RPA1: variants seen among roughly 807,000 people sequenced by gnomAD.
RPA1 encodes replication protein A 70 kDa DNA-binding subunit.
Under a neutral mutation model 83.0 loss-of-function variants are expected in RPA1, and 49 were observed. The ratio of observed to expected loss-of-function variants is 0.59; its 90% CI spans 0.47 to 0.75. RPA1 has a LOEUF of 0.75. Ranked by LOEUF, RPA1 falls within the 30% of genes least tolerant of loss-of-function variation. The pLI is 0.00. For synonymous variants in RPA1, 279 were observed against 281.8 expected (o/e 0.99, Z 0.10); for missense variants, 693 against 776.1 (o/e 0.89, Z 1.27).
intron 5 of RPA1, among the ~76,000 whole-genome samples, chr17:1,867,121 AATT>A (rs1913202811): frequency 6.6e-6 from 1 of 152,196 alleles, no homozygotes; most frequent in Non-Finnish European, 1.5e-5. Flanking sequence ...GAATCGGGTA[AATT>A]ATTCGGCTAA....
At chr17:1,858,484 G>A in intron 5 of RPA1, 2 of 1,053,912 alleles carry the variant, frequency 1.9e-6, no homozygotes, top group South Asian at 2.6e-5. Context: ...TTTTTTTTGA[G>A]ACAGAGTCTT....
chr17:1,887,423 G>A lies in RPA1; in HGVS notation c.1375-1252G>A, dbSNP rs1300959396. On this transcript the variant is annotated intron_variant, in intron 13 of 16. Coordinates refer to ENST00000254719, the MANE Select transcript of RPA1 (RefSeq NM_002945.5). ...AAAATACAAAAATTAGCTGGGCGTA[G>A]TGGTGCATGCCTGTAGTCCCAGCTT... Among the ~76,000 whole-genome samples, 11 of 152,222 alleles carry A rather than the reference G, an allele frequency of 7.2e-5. No individual in the cohort carries two copies. In the East Asian group the frequency reaches 2.1e-3, roughly 29 times the overall value.
chr17:1,848,471 C>T (rs1459362933), intron 4 of RPA1, among the ~76,000 whole-genome samples: 1 of 151,484 alleles, frequency 6.6e-6, no homozygotes, highest in African/African-American at 2.4e-5. Context: ...ATCAGCCGGG[C>T]ATGGTGGCAC....
intron 4 of RPA1, among the ~76,000 whole-genome samples, chr17:1,847,816 T>G (rs540447823): frequency 3.3e-5 from 5 of 151,906 alleles, no homozygotes; most frequent in African/African-American, 1.2e-4. Flanking sequence ...GGACAGGAGA[T>G]CGAAACCAGC....
intron 5 of RPA1, among the ~76,000 whole-genome samples, chr17:1,866,376 G>A (rs771189097): frequency 2.0e-5 from 3 of 151,740 alleles, no homozygotes; most frequent in African/African-American, 4.8e-5. Context: ...GTGCAATGGC[G>A]CAATCTCGGC....
intron 15 of RPA1, 39 bp downstream of exon 15, chr17:1,891,979 A>G (rs781000676): frequency 4.7e-5 from 66 of 1,409,990 alleles, no homozygotes; most frequent in East Asian, 1.6e-4. Context: ...ATAACTTTTA[A>G]TGGTTCTCAT....
intron 6 of RPA1, 59 bp from the exon 7 acceptor site, chr17:1,875,602 C>CTTTACAATAGT: frequency 1.9e-6 from 3 of 1,542,320 alleles, no homozygotes; most frequent in South Asian, 2.5e-5. Context: ...GTAAAGCTTA[C>CTTTACAATAGT]TATAAAAAAG....
At chr17:1,831,576 AC>A (rs1176036055) in intron 1 of RPA1, among the ~76,000 whole-genome samples, 15 of 144,294 alleles carry the variant, frequency 1.0e-4, no homozygotes, top group Non-Finnish European at 2.1e-4. Flanking sequence ...CCATACTCCT[AC>A]CTTCTTCCAT....
chr17:1,845,887 C>T (rs1285271403), intron 4 of RPA1, among the ~76,000 whole-genome samples: 1 of 152,114 alleles, frequency 6.6e-6, no homozygotes, highest in African/African-American at 2.4e-5. Context: ...GAGCTGAGAT[C>T]ACGCCACTGC....
intron 1 of RPA1, among the ~76,000 whole-genome samples, chr17:1,832,899 C>A (rs1597412635): frequency 1.3e-5 from 2 of 152,010 alleles, no homozygotes; most frequent in East Asian, 3.9e-4. Context: ...TTATCAGTTT[C>A]TTTTTAAAAT....
intron 1 of RPA1, among the ~76,000 whole-genome samples, chr17:1,831,044 GCATGAA>G (rs1223296082): frequency 2.0e-5 from 3 of 152,058 alleles, no homozygotes; most frequent in Non-Finnish European, 2.9e-5. Flanking sequence ...GGAATTACAG[GCATGAA>G]CCACCGCGCC....
intron 13 of RPA1, among the ~76,000 whole-genome samples, chr17:1,887,015 C>A (rs1223021822): frequency 6.6e-6 from 1 of 152,138 alleles, no homozygotes; most frequent in Non-Finnish European, 1.5e-5. Context: ...AAAGGTGAGG[C>A]CTTGCTCTGG....
rs1281319917 is a variant in RPA1, at chr17:1,897,271, T to C, written c.*96T>C. 3 of 912,480 alleles carry C rather than the reference T, an allele frequency of 3.3e-6. No homozygotes were observed. Among genetic ancestry groups the C allele is most frequent in the East Asian group, 2.7e-5 (1 of 37,720 alleles). The allele number at this position is 912,480 out of a possible 1,614,324, so 56.5% of individuals were successfully genotyped here. A position where few individuals can be genotyped will look rare whatever the true frequency, so the allele number is the denominator to read the frequency against. ...TGACGATCCCATGTTAGCTACACAGTGCAGAGGCTCTTGATGGTGGACTAA... is the reference window on the plus strand; with the variant it reads ...TGACGATCCCATGTTAGCTACACAGCGCAGAGGCTCTTGATGGTGGACTAA... On this transcript the variant is annotated 3_prime_UTR_variant, in exon 17 of 17. Coordinates refer to ENST00000254719, the MANE Select transcript of RPA1 (RefSeq NM_002945.5).
intron 2 of RPA1, among the ~76,000 whole-genome samples, chr17:1,843,293 T>TG (rs1281372896): frequency 6.6e-6 from 1 of 151,830 alleles, no homozygotes; most frequent in East Asian, 1.9e-4. Context: ...AGAAGCAGAA[T>TG]GGTGGGCTCA....
At chr17:1,891,028 T>G (rs1597460718) in intron 14 of RPA1, among the ~76,000 whole-genome samples, 1 of 152,190 alleles carries the variant, frequency 6.6e-6, no homozygotes, top group South Asian at 2.1e-4. Context: ...CGTCACCTTA[T>G]TTTTCGTCAT....
rs77824234 is a variant in RPA1, at chr17:1,868,086, G to C, written c.362-4348G>C. ...GCATTGGAGCAATACCCTGTCTCAAGGGGGAAAAAAAAAGAAAATAAACAT... is the reference window on the plus strand; with the variant it reads ...GCATTGGAGCAATACCCTGTCTCAACGGGGAAAAAAAAAGAAAATAAACAT... On this transcript the variant is annotated intron_variant, in intron 5 of 16. Transcript: ENST00000254719. Among the ~76,000 whole-genome samples, 279 of 151,908 alleles carry C rather than the reference G, an allele frequency of 1.8e-3. 10 individuals are homozygous for C. The East Asian group carries it at 0.046, about 25-fold the overall frequency.
intron 4 of RPA1, among the ~76,000 whole-genome samples, chr17:1,846,042 T>A (rs1246619764): frequency 6.6e-6 from 1 of 152,216 alleles, no homozygotes; most frequent in African/African-American, 2.4e-5. Flanking sequence ...TTAGGACTCT[T>A]ACATTTTCTC....
At chr17:1,856,694 T>G (rs188506125) in intron 5 of RPA1, among the ~76,000 whole-genome samples, 1 of 151,412 alleles carries the variant, frequency 6.6e-6, no homozygotes, top group Admixed American at 6.6e-5. Context: ...CTTTTTTTAT[T>G]TAATTTTTTA....
At chr17:1,854,006 T>G (rs191760518) in intron 5 of RPA1, 1 of 152,194 alleles carries the variant, frequency 6.6e-6, no homozygotes, top group Non-Finnish European at 1.5e-5. Context: ...TTGAAACAAG[T>G]TGAATATATA....
Sources: gnomAD v4.1 joint callset for allele counts (sites outside exome capture counted in the v4.1 genomes callset) on GRCh38, gnomAD v4.1.1 for gene constraint, MANE v1.5 for transcripts, NCBI Gene and HGNC (gene_info 2026-07-23, HGNC 2026-07-21) for gene names.